The following CYP2J2 variants were observed in gnomAD, a reference collection of about 807,000 sequenced individuals.
CYP2J2 encodes the protein cytochrome P450 family 2 subfamily J member 2.
In CYP2J2, 41 loss-of-function variants were observed where a neutral mutation model predicts 48.8. That is an observed-to-expected ratio of 0.84 (90% CI 0.66 to 1.09). The LOEUF (loss-of-function observed/expected upper bound fraction) is 1.09. CYP2J2 is among the 50% of genes least tolerant of loss of function. CYP2J2 has a pLI of 0.00. For missense variants in CYP2J2, 644 were observed against 617.3 expected (o/e 1.04, Z -0.46); for synonymous variants, 221 against 227.1 (o/e 0.97, Z 0.24).
At chr1:59,946,729 A>T in the CYP2J2 span, among the ~76,000 whole-genome samples, 1 of 152,216 alleles carries the variant, frequency 6.6e-6, no homozygotes, top group Admixed American at 6.6e-5. Flanking sequence ...TGATGAAGAG[A>T]TTAGATTTCA....
chr1:59,903,209 T>A (rs1644335963), intron 7 of CYP2J2, among the ~76,000 whole-genome samples: 1 of 152,140 alleles, frequency 6.6e-6, no homozygotes, highest in South Asian at 2.1e-4. Flanking sequence ...CTCTTCTGAT[T>A]CTACTTCTCG....
At chr1:59,894,703 G>A (rs1250830345) in intron 8 of CYP2J2, among the ~76,000 whole-genome samples, 1 of 152,160 alleles carries the variant, frequency 6.6e-6, no homozygotes, top group Non-Finnish European at 1.5e-5. Context: ...ATCCAAATAA[G>A]CTAAATAATT....
At chr1:59,952,235 C>T in the CYP2J2 span, among the ~76,000 whole-genome samples, 2 of 151,728 alleles carry the variant, frequency 1.3e-5, no homozygotes, top group South Asian at 2.1e-4. Flanking sequence ...TCCTGAGGGA[C>T]GCATGCCTAA....
At chr1:59,907,424 GAAC>G (rs1249317558) in intron 6 of CYP2J2, among the ~76,000 whole-genome samples, 1 of 152,154 alleles carries the variant, frequency 6.6e-6, no homozygotes, top group Non-Finnish European at 1.5e-5. Context: ...TAAAGTGCTT[GAAC>G]ATTATTCTGG....
the CYP2J2 span, among the ~76,000 whole-genome samples, chr1:59,935,326 T>C: frequency 1.3e-5 from 2 of 152,012 alleles, no homozygotes; most frequent in African/African-American, 2.4e-5. Context: ...GGAGACCTAA[T>C]GTACAGAATG....
chr1:59,940,940 G>A, the CYP2J2 span, among the ~76,000 whole-genome samples: 1 of 152,200 alleles, frequency 6.6e-6, no homozygotes, highest in Non-Finnish European at 1.5e-5. Flanking sequence ...TTGACGTTAT[G>A]GAAGTAGACA....
the CYP2J2 span, among the ~76,000 whole-genome samples, chr1:59,955,051 T>A: frequency 6.6e-6 from 1 of 151,786 alleles, no homozygotes; most frequent in East Asian, 1.9e-4. Flanking sequence ...GGTGGGAGGA[T>A]TGCTTGAGCC....
At chr1:59,900,577 T>A (rs1051597387) in intron 8 of CYP2J2, among the ~76,000 whole-genome samples, 10 of 152,128 alleles carry the variant, frequency 6.6e-5, no homozygotes, top group Non-Finnish European at 1.3e-4. Context: ...GAGGTTGCAG[T>A]GAGCTGAGAT....
At chr1:59,904,763 T>C (rs1644350693) in intron 7 of CYP2J2, 108 bp downstream of exon 7, 1 of 904,550 alleles carries the variant, frequency 1.1e-6, no homozygotes, top group Non-Finnish European at 1.7e-6. Flanking sequence ...AGGTATAAGA[T>C]ATCTTTTTCT....
the CYP2J2 span, among the ~76,000 whole-genome samples, chr1:59,960,795 A>G: frequency 6.6e-6 from 1 of 152,214 alleles, no homozygotes; most frequent in African/African-American, 2.4e-5. Context: ...GTGAGCCGAT[A>G]TTGTGCCACT....
At chr1:59,896,813 T>C (rs1644274006) in intron 8 of CYP2J2, among the ~76,000 whole-genome samples, 1 of 152,222 alleles carries the variant, frequency 6.6e-6, no homozygotes, top group African/African-American at 2.4e-5. Context: ...CATAAAATGT[T>C]TGTAATCCCA....
At chr1:59,939,348 T>C in the CYP2J2 span, among the ~76,000 whole-genome samples, 1 of 152,206 alleles carries the variant, frequency 6.6e-6, no homozygotes, top group African/African-American at 2.4e-5. Context: ...AAGTAATGCC[T>C]TGATGGTCTT....
the CYP2J2 span, among the ~76,000 whole-genome samples, chr1:59,949,852 C>T: frequency 1.3e-5 from 2 of 151,872 alleles, no homozygotes; most frequent in African/African-American, 2.4e-5. Context: ...TCTGCTCCAC[C>T]CTCTCAGTAC....
intron 2 of CYP2J2, chr1:59,913,071 A>C (rs1644432148): frequency 6.6e-6 from 1 of 152,182 alleles, no homozygotes; most frequent in Non-Finnish European, 1.5e-5. Flanking sequence ...CACCCACTGA[A>C]TTGGTCCGGA....
intron 8 of CYP2J2, among the ~76,000 whole-genome samples, chr1:59,896,423 A>C (rs908526994): frequency 4.6e-5 from 7 of 152,132 alleles, no homozygotes; most frequent in Non-Finnish European, 8.8e-5. Flanking sequence ...AGTTCATTGT[A>C]GATTACATCA....
intron 2 of CYP2J2, chr1:59,912,524 C>G: frequency 1.9e-6 from 1 of 522,942 alleles, no homozygotes; most frequent in Non-Finnish European, 3.4e-6. Context: ...TTTTGTTGTG[C>G]ATTATATAAT....
intron 7 of CYP2J2, among the ~76,000 whole-genome samples, chr1:59,902,635 G>A (rs989957108): frequency 1.3e-5 from 2 of 151,896 alleles, no homozygotes; most frequent in Non-Finnish European, 2.9e-5. Flanking sequence ...GGCTGATCTC[G>A]AACTCCTGAC....
intron 1 of CYP2J2, among the ~76,000 whole-genome samples, chr1:59,917,949 C>A (rs780930143): frequency 1.3e-5 from 2 of 152,182 alleles, no homozygotes; most frequent in Non-Finnish European, 2.9e-5. Flanking sequence ...CCCATCGGAG[C>A]AAATACAGTG....
chr1:59,929,003 C>T (rs183608245), upstream of CYP2J2, among the ~76,000 whole-genome samples: 58 of 152,314 alleles, frequency 3.8e-4, no homozygotes, highest in African/African-American at 1.4e-3. Flanking sequence ...GTAATGTATG[C>T]CCCAAGGCAT....
Sources: allele counts gnomAD v4.1 joint callset (sites outside exome capture counted in the v4.1 genomes callset), GRCh38; gene constraint gnomAD v4.1.1; transcripts MANE v1.5; gene names NCBI Gene and HGNC (gene_info 2026-07-23, HGNC 2026-07-21).